The following GRIK2 variants were observed in gnomAD, a reference collection of about 807,000 sequenced individuals.
GRIK2 encodes the protein glutamate ionotropic receptor kainate type subunit 2, also known as glutamate receptor ionotropic, kainate 2.
GRIK2 carries 32 observed loss-of-function variants against 100.3 expected under a neutral mutation model. The observed-to-expected ratio is 0.32, with a 90% CI of 0.24 to 0.43. GRIK2 has a LOEUF of 0.43. GRIK2 is among the 20% of genes least tolerant of loss of function. The pLI is 1.00. For synonymous variants in GRIK2, 417 were observed against 389.4 expected (o/e 1.07, Z -0.83); for missense variants, 843 against 1,114.9 (o/e 0.76, Z 3.47).
Position 101,846,887 on chromosome 6 carries a change from CT to C in GRIK2, c.1318-12394del, listed in dbSNP as rs1333748849. Among the ~76,000 whole-genome samples the C allele has an allele frequency of 3.3e-5, 5 of 151,072 alleles. No individual in the cohort carries two copies. In the East Asian group the frequency reaches 9.7e-4, roughly 29 times the overall value. On this transcript the variant is annotated intron_variant, in intron 10 of 16. Transcript: ENST00000369134. ...TTTCATCTGATTTTTTTTGCTATTA[CT>C]TTTTTCTTGATTGGTCTAGCTAAAG...
At chr6:101,852,090 T>C (rs1784166462) in intron 10 of GRIK2, among the ~76,000 whole-genome samples, 1 of 152,130 alleles carries the variant, frequency 6.6e-6, no homozygotes, top group African/African-American at 2.4e-5. Flanking sequence ...GAACAGGGTT[T>C]GGCACATAGT....
intron 12 of GRIK2, among the ~76,000 whole-genome samples, chr6:101,915,942 T>C (rs1789075995): frequency 6.6e-6 from 1 of 151,486 alleles, no homozygotes; most frequent in Admixed American, 6.6e-5. Flanking sequence ...ACTGTGATCT[T>C]TCAGAAAAAT....
At chr6:102,034,507 G>C (rs749072687) in intron 14 of GRIK2, among the ~76,000 whole-genome samples, 4 of 151,188 alleles carry the variant, frequency 2.6e-5, no homozygotes, top group Non-Finnish European at 5.9e-5. Context: ...TGATGATAAG[G>C]GTTTCACAGA....
chr6:101,399,978 T>C (rs748214621), intron 2 of GRIK2, among the ~76,000 whole-genome samples: 1 of 152,230 alleles, frequency 6.6e-6, no homozygotes, highest in Non-Finnish European at 1.5e-5. Flanking sequence ...TAAAAAATGT[T>C]CTAAGATTCG....
intron 14 of GRIK2, among the ~76,000 whole-genome samples, chr6:102,018,184 C>T (rs1769222621): frequency 6.6e-6 from 1 of 152,000 alleles, no homozygotes; most frequent in African/African-American, 2.4e-5. Flanking sequence ...AACTTTTTTC[C>T]AGTCCTATTA....
rs181434881 is a variant in GRIK2, at chr6:101,507,556, A to G, written c.115+108164A>G. Reference sequence around the variant, plus strand: ...GATGAACATATAGTTTATTCATACAATGAAACATTATTTGGTGGACATACA... The same window carrying G: ...GATGAACATATAGTTTATTCATACAGTGAAACATTATTTGGTGGACATACA... On this transcript the variant is annotated intron_variant, in intron 2 of 16. Coordinates refer to ENST00000369134, the MANE Select transcript of GRIK2 (RefSeq NM_021956.5). Among the ~76,000 whole-genome samples the G allele has an allele frequency of 7.9e-5, 12 of 152,332 alleles. No homozygotes were observed. The East Asian group carries it at 2.1e-3, about 27-fold the overall frequency.
intron 14 of GRIK2, among the ~76,000 whole-genome samples, chr6:101,982,489 C>T (rs988894): frequency 0.24 from 36,074 of 151,464 alleles, 4,847 homozygotes; most frequent in Non-Finnish European, 0.31. Flanking sequence ...TTCTCTTTTT[C>T]GGTTTTGTGT....
chr6:101,751,133 C>T lies in GRIK2; in HGVS notation c.952-48515C>T, dbSNP rs190560852. On this transcript the variant is annotated intron_variant, in intron 7 of 16. Coordinates refer to ENST00000369134, the MANE Select transcript of GRIK2 (RefSeq NM_021956.5). Reference sequence around the variant, plus strand: ...CTAAATTTTTTGTAGAGATGGGGGTCCCACTATGTTATCCAGGCTGGTCTC... The same window carrying T: ...CTAAATTTTTTGTAGAGATGGGGGTTCCACTATGTTATCCAGGCTGGTCTC... 2.6e-5 allele frequency among the ~76,000 whole-genome samples: 4 copies of T among 152,004 alleles called. No individual in the cohort carries two copies. The East Asian group carries it at 7.7e-4, about 29-fold the overall frequency.
In GRIK2 at chr6:102,069,605, G is replaced by A. The variant is rs1331157527; in HGVS notation, c.*1094G>A. 6.6e-6 allele frequency: 1 copy of A among 151,832 alleles called. No homozygotes were observed. 9.4% of individuals were successfully genotyped at this position (151,832 alleles called of 1,614,324 possible). A position where few individuals can be genotyped will look rare whatever the true frequency, so the allele number is the denominator to read the frequency against. On this transcript the variant is annotated 3_prime_UTR_variant, in exon 17 of 17. Coordinates refer to ENST00000369134, the MANE Select transcript of GRIK2 (RefSeq NM_021956.5). ...CTGCGTTTATCAATACAGTCACAAT[G>A]TTAAATGAACAAAATTCTTGAACAG...
intron 11 of GRIK2, among the ~76,000 whole-genome samples, chr6:101,867,488 G>T (rs530764719): frequency 6.6e-6 from 1 of 151,550 alleles, no homozygotes; most frequent in South Asian, 2.1e-4. Flanking sequence ...CAGAAACATG[G>T]TCTATCACAG....
intron 2 of GRIK2, among the ~76,000 whole-genome samples, chr6:101,550,556 G>T (rs1463827540): frequency 6.6e-6 from 1 of 152,160 alleles, no homozygotes; most frequent in East Asian, 1.9e-4. Flanking sequence ...TACACTGCAG[G>T]ATACTTAAAT....
rs2518196 is a variant in GRIK2 at position 101,837,791 on chromosome 6, C to T, written c.1317+19308C>T. On this transcript the variant is annotated intron_variant, in intron 10 of 16. Transcript: ENST00000369134. Reference sequence around the variant, plus strand: ...GGTACAGATTATGGACCTCTGAACACGGACTTTTGTTGGGGAGAAGAATGA... The same window carrying T: ...GGTACAGATTATGGACCTCTGAACATGGACTTTTGTTGGGGAGAAGAATGA... Among the ~76,000 whole-genome samples, 1,059 of 152,000 alleles carry T rather than the reference C, an allele frequency of 7.0e-3. 10 individuals carry two copies. The highest frequency in any genetic ancestry group is 0.012 in the Non-Finnish European group (834 of 67,974).
At chr6:101,771,164 T>C (rs1237003739) in intron 7 of GRIK2, among the ~76,000 whole-genome samples, 1 of 152,136 alleles carries the variant, frequency 6.6e-6, no homozygotes. Context: ...TTCTTTCATT[T>C]TGAGCTGTCT....
chr6:101,690,040 A>G (rs780044278), intron 7 of GRIK2, among the ~76,000 whole-genome samples: 9 of 152,130 alleles, frequency 5.9e-5, no homozygotes, highest in Admixed American at 2.0e-4. Context: ...GAGCCCGACA[A>G]TGGTGATACT....
At chr6:101,408,554 T>C (rs530439185) in intron 2 of GRIK2, among the ~76,000 whole-genome samples, 1 of 152,102 alleles carries the variant, frequency 6.6e-6, no homozygotes, top group Non-Finnish European at 1.5e-5. Context: ...GAAGATTCAG[T>C]GTTTCATTTT....
Position 101,608,434 on chromosome 6 carries a change from ATG to A in GRIK2, c.116-13511_116-13510del, listed in dbSNP as rs1666896601. Among the ~76,000 whole-genome samples the A allele has an allele frequency of 7.2e-5, 11 of 152,092 alleles. No homozygotes were observed. The South Asian group carries it at 2.3e-3, about 32-fold the overall frequency. The stretch of plus-strand genomic sequence containing the variant: ...AGTTCTTCTATGAATATAATTGAAC[ATG>A]TGTTATTTCTAGTAAAATTTGTCTA... On this transcript the variant is annotated intron_variant, in intron 2 of 16. Coordinates refer to ENST00000369134, the MANE Select transcript of GRIK2 (RefSeq NM_021956.5).
chr6:102,028,722 A>C (rs1769833092), intron 14 of GRIK2, among the ~76,000 whole-genome samples: 1 of 138,354 alleles, frequency 7.2e-6, no homozygotes, highest in South Asian at 2.3e-4. Context: ...ATAATTAAGA[A>C]ATCGTTTTTT....
intron 8 of GRIK2, among the ~76,000 whole-genome samples, chr6:101,800,591 T>C (rs2128413785): frequency 6.6e-6 from 1 of 152,216 alleles, no homozygotes; most frequent in South Asian, 2.1e-4. Context: ...AATAAATTAT[T>C]CATCATGAAA....
At chr6:101,860,204 T>G (rs1784657757) in intron 11 of GRIK2, among the ~76,000 whole-genome samples, 1 of 152,134 alleles carries the variant, frequency 6.6e-6, no homozygotes, top group African/African-American at 2.4e-5. Flanking sequence ...TTAAAAAGTA[T>G]AATTTATAAA....
Sources: gnomAD v4.1 joint callset for allele counts (sites outside exome capture counted in the v4.1 genomes callset) on GRCh38, gnomAD v4.1.1 for gene constraint, MANE v1.5 for transcripts, NCBI Gene and HGNC (gene_info 2026-07-23, HGNC 2026-07-21) for gene names.